Variants in MRPS18A observed in about 807,000 individuals in gnomAD.
The protein encoded by MRPS18A is mitochondrial ribosomal protein S18A.
MRPS18A carries 20 observed loss-of-function variants against 22.7 expected under a neutral mutation model. The ratio of observed to expected loss-of-function variants is 0.88; its 90% confidence interval spans 0.62 to 1.28. MRPS18A has a LOEUF of 1.28. Ranked by LOEUF, MRPS18A falls within the 50% of genes most tolerant of loss-of-function variation. The pLI is 0.00. For synonymous variants in MRPS18A, 106 were observed against 99.1 expected (o/e 1.07, Z -0.41); for missense variants, 294 against 262.6 (o/e 1.12, Z -0.83).
intron 1 of MRPS18A, among the ~76,000 whole-genome samples, chr6:43,687,198 C>T (rs1774753251): frequency 6.6e-6 from 1 of 152,162 alleles, no homozygotes; most frequent in East Asian, 1.9e-4. Flanking sequence ...CTCCCCCTCA[C>T]AGGGAGACTA....
rs1349827824 is a variant in MRPS18A, at chr6:43,675,635, T to C, written c.253-18A>G. 1 of 1,592,592 alleles carries C rather than the reference T, an allele frequency of 6.3e-7. No homozygotes were observed. Among genetic ancestry groups the C allele is most frequent in the Non-Finnish European group, 8.5e-7 (1 of 1,169,608 alleles). Reference sequence around the variant, plus strand: ...AGAACATCCTAGTGGAAACCGAAAATAGGGGATGAGGGTCAGCTGGGCTTG... The same window carrying C: ...AGAACATCCTAGTGGAAACCGAAAACAGGGGATGAGGGTCAGCTGGGCTTG... On this transcript the variant is annotated intron_variant, in intron 3 of 5. Coordinates refer to ENST00000372133, the MANE Select transcript of MRPS18A (RefSeq NM_018135.4).
intron 1 of MRPS18A, among the ~76,000 whole-genome samples, chr6:43,684,110 A>AAAC (rs556245420): frequency 7.9e-5 from 12 of 152,176 alleles, no homozygotes; most frequent in Admixed American, 2.0e-4. Flanking sequence ...CTTGTCTCTT[A>AAAC]AACAACAACA....
At chr6:43,678,041 C>A (rs1774157741) in intron 3 of MRPS18A, among the ~76,000 whole-genome samples, 1 of 152,098 alleles carries the variant, frequency 6.6e-6, no homozygotes, top group Non-Finnish European at 1.5e-5. Context: ...TGATTCCATC[C>A]CACAAGAGTA....
At chr6:43,683,061 G>A (rs542688325) in intron 1 of MRPS18A, among the ~76,000 whole-genome samples, 30 of 152,234 alleles carry the variant, frequency 2.0e-4, no homozygotes, top group African/African-American at 7.0e-4. Context: ...GGAGGCACTT[G>A]GGTCCTAACC....
At chr6:43,672,693 T>A in intron 5 of MRPS18A, 1 of 222,084 alleles carries the variant, frequency 4.5e-6, no homozygotes, top group South Asian at 5.4e-5. Flanking sequence ...AACCCAGCTG[T>A]CTCTAGAGAC....
intron 5 of MRPS18A, among the ~76,000 whole-genome samples, chr6:43,674,024 G>A (rs1342306184): frequency 6.6e-6 from 1 of 152,224 alleles, no homozygotes; most frequent in East Asian, 1.9e-4. Context: ...AGCATAGTTA[G>A]GGGACATAGG....
At position 43,671,432 on chromosome 6, in the gene MRPS18A, C is replaced by A. The variant is rs1773689753; in HGVS notation, c.*330G>T. ...CCCAGGACCCCCTGCACTTCCCAAG[C>A]AGTGAGCGCACACCCAATGGGTAAG... On this transcript the variant is annotated 3_prime_UTR_variant, in exon 6 of 6. Coordinates refer to ENST00000372133, the MANE Select transcript of MRPS18A (RefSeq NM_018135.4). 2.3e-6 allele frequency: 1 copy of A among 428,226 alleles called. No homozygotes were observed. The highest frequency in any genetic ancestry group is 2.0e-5 in the African/African-American group (1 of 50,146). The allele number at this position is 428,226 out of a possible 1,614,324, so 26.5% of individuals were successfully genotyped here.
chr6:43,685,154 G>T (rs1024078962), intron 1 of MRPS18A, among the ~76,000 whole-genome samples: 3 of 152,132 alleles, frequency 2.0e-5, no homozygotes, highest in South Asian at 4.1e-4. Flanking sequence ...CCCTTGGAAC[G>T]GCATTTCCTC....
intron 1 of MRPS18A, among the ~76,000 whole-genome samples, chr6:43,682,092 C>T (rs937031686): frequency 6.6e-6 from 1 of 152,158 alleles, no homozygotes; most frequent in African/African-American, 2.4e-5. Flanking sequence ...TACTTGAGCT[C>T]AGGAGTTAAG....
rs1207751568 is a variant in MRPS18A, at chr6:43,671,909, G to A, written c.447-3C>T. On this transcript the variant is annotated splice_polypyrimidine_tract_variant and splice_region_variant and intron_variant, in intron 5 of 5. Transcript: ENST00000372133. ...CAGGAGCCCAGCGCGTCAGGTACCT[G>A]TGGAGGGAGAACAAAGAGGTGCCTG... The A allele has an allele frequency of 1.9e-6, 3 of 1,599,796 alleles. No homozygotes were observed. The highest frequency in any genetic ancestry group is 4.5e-5 in the East Asian group (2 of 44,594).
At chr6:43,682,587 T>G (rs111560958) in intron 1 of MRPS18A, among the ~76,000 whole-genome samples, 1,572 of 152,318 alleles carry the variant, frequency 0.01, 25 homozygotes, top group African/African-American at 0.035. Context: ...CAGAGAACAC[T>G]GTAGTTACTA....
At chr6:43,686,069 G>A (rs1774678005) in intron 1 of MRPS18A, among the ~76,000 whole-genome samples, 1 of 152,188 alleles carries the variant, frequency 6.6e-6, no homozygotes, top group Admixed American at 6.5e-5. Context: ...CTTCCAAAGT[G>A]CTGGGATTAA....
intron 2 of MRPS18A, among the ~76,000 whole-genome samples, chr6:43,680,591 T>C (rs1774344448): frequency 6.6e-6 from 1 of 152,188 alleles, no homozygotes; most frequent in African/African-American, 2.4e-5. Context: ...TGAAGTATTG[T>C]TCCAACTTTC....
chr6:43,677,570 T>C (rs894364613), intron 3 of MRPS18A, among the ~76,000 whole-genome samples: 5 of 152,264 alleles, frequency 3.3e-5, no homozygotes, highest in Middle Eastern at 3.4e-3. Flanking sequence ...CAGGGCTGTG[T>C]CCTTAGTCCC....
chr6:43,673,613 G>T lies in MRPS18A; in HGVS notation c.446+1589C>A, dbSNP rs1773879287. On this transcript the variant is annotated intron_variant, in intron 5 of 5. Coordinates refer to ENST00000372133, the MANE Select transcript of MRPS18A (RefSeq NM_018135.4). This position sits in a 1 kb window ranked among gnomAD's most constrained non-coding sequence, Gnocchi z 4.2. ...GGGTGGCCTCCAGCCAGCTCTTTGG[G>T]AACACCCCAGCTCTAGCAAGAACCA... 6.6e-6 allele frequency among the ~76,000 whole-genome samples: 1 copy of T among 152,194 alleles called. No individual in the cohort carries two copies. The highest frequency in any genetic ancestry group is 1.5e-5 in the Non-Finnish European group (1 of 68,044).
intron 1 of MRPS18A, among the ~76,000 whole-genome samples, chr6:43,685,118 A>G (rs1264593004): frequency 6.6e-6 from 1 of 152,192 alleles, no homozygotes; most frequent in Non-Finnish European, 1.5e-5. Context: ...CTTATTAGAC[A>G]GGTGATGCTG....
rs773951327 is a variant in MRPS18A at position 43,671,838 on chromosome 6, A to G, written c.515T>C (p.Val172Ala). The change falls in exon 6 of 6, where the codon GTG becomes GCG. Residue 172 changes from valine (V) to alanine (A), a missense_variant. Coordinates refer to ENST00000372133, the MANE Select transcript of MRPS18A (RefSeq NM_018135.4). ...AAGGGGTGACCCCACGGGCATGCGCACCCTGTTCCAGCGGGGGCCTTTTTT... is the reference window on the plus strand; with the variant it reads ...AAGGGGTGACCCCACGGGCATGCGCGCCCTGTTCCAGCGGGGGCCTTTTTT... Reference protein sequence around the residue: ...IYKKGPRWNRVRMPVGSPLLR... With the variant: ...IYKKGPRWNRARMPVGSPLLR... 3.7e-6 allele frequency: 6 copies of G among 1,614,106 alleles called. No individual in the cohort carries two copies. The highest frequency in any genetic ancestry group is 1.6e-4 in the Middle Eastern group (1 of 6,062).
chr6:43,673,086 T>C lies in MRPS18A; in HGVS notation c.447-1180A>G, dbSNP rs912734405. 6.6e-6 allele frequency among the ~76,000 whole-genome samples: 1 copy of C among 151,502 alleles called. No individual in the cohort carries two copies. The highest frequency in any genetic ancestry group is 1.9e-4 in the East Asian group (1 of 5,166). Reference sequence around the variant, plus strand: ...CACTGCAACTTCCGCCTCCTGGGTTTAAGCAATTCTCCTGCCTCAGCCTCT... The same window carrying C: ...CACTGCAACTTCCGCCTCCTGGGTTCAAGCAATTCTCCTGCCTCAGCCTCT... On this transcript the variant is annotated intron_variant, in intron 5 of 5. Coordinates refer to ENST00000372133, the MANE Select transcript of MRPS18A (RefSeq NM_018135.4). The surrounding 1 kb of genome is among the most constrained non-coding windows in gnomAD (Gnocchi z 4.2).
chr6:43,677,293 G>C (rs1455274373), intron 3 of MRPS18A, among the ~76,000 whole-genome samples: 1 of 152,112 alleles, frequency 6.6e-6, no homozygotes, highest in African/African-American at 2.4e-5. Context: ...AGGACAGAAA[G>C]AACCCCCCCA....
Sources: allele counts gnomAD v4.1 joint callset (sites outside exome capture counted in the v4.1 genomes callset), GRCh38; gene constraint gnomAD v4.1.1; non-coding constraint Gnocchi (gnomAD v3.1); transcripts MANE v1.5; gene names NCBI Gene and HGNC (gene_info 2026-07-23, HGNC 2026-07-21).